Variants in MYT1L observed in about 807,000 individuals in gnomAD.
The protein encoded by MYT1L is myelin transcription factor 1 like, also known as myelin transcription factor 1-like protein.
MYT1L carries 12 observed loss-of-function variants against 126.7 expected under a neutral mutation model. The ratio of observed to expected loss-of-function variants is 0.09; its 90% CI spans 0.06 to 0.15. The LOEUF is 0.15. Among genes scored for constraint, MYT1L ranks in the 10% least tolerant of loss-of-function variants. The pLI is 1.00. For missense variants in MYT1L, 979 were observed against 1,585.2 expected, an observed-to-expected ratio of 0.62 and a Z score of 6.49; for synonymous variants, 541 against 604.2, an observed-to-expected ratio of 0.90 and a Z score of 1.53.
chr2:2,169,345 A>G (rs2148510742), intron 3 of MYT1L, among the ~76,000 whole-genome samples: 1 of 152,304 alleles, frequency 6.6e-6, no homozygotes, highest in East Asian at 1.9e-4. Context: ...ATGTATTACC[A>G]TGTACAATAC....
intron 3 of MYT1L, among the ~76,000 whole-genome samples, chr2:2,156,701 T>C (rs2086785060): frequency 6.6e-6 from 1 of 152,128 alleles, no homozygotes; most frequent in Non-Finnish European, 1.5e-5. Context: ...GGTAGCACTC[T>C]CTGCTGAACC....
rs1486951276 is a variant in MYT1L at position 1,848,054 on chromosome 2, C to T, written c.2774+3587G>A. ...GCAGCTCTGCTACTGAATCTCCTGGCCCCTCAGTTTCCTCAAATTCAAAAG... is the reference window on the plus strand; with the variant it reads ...GCAGCTCTGCTACTGAATCTCCTGGTCCCTCAGTTTCCTCAAATTCAAAAG... On this transcript the variant is annotated intron_variant, in intron 19 of 24. Transcript: ENST00000647738. The surrounding 1 kb of genome is among the most constrained non-coding windows in gnomAD (Gnocchi z 4.8). Among the ~76,000 whole-genome samples, 4 of 152,176 alleles carry T rather than the reference C, an allele frequency of 2.6e-5. No homozygotes were observed. The highest frequency in any genetic ancestry group is 9.7e-5 in the African/African-American group (4 of 41,436).
At chr2:1,897,363 C>G (rs1259246710) in intron 14 of MYT1L, among the ~76,000 whole-genome samples, 1 of 152,188 alleles carries the variant, frequency 6.6e-6, no homozygotes, top group Non-Finnish European at 1.5e-5. Flanking sequence ...GCTCTGTTCC[C>G]CCTCTTCCAG....
intron 3 of MYT1L, among the ~76,000 whole-genome samples, chr2:2,072,430 T>A (rs989336635): frequency 6.6e-6 from 1 of 152,216 alleles, no homozygotes; most frequent in Non-Finnish European, 1.5e-5. Context: ...AGCAAATTAT[T>A]ACCCACTGCC....
chr2:2,195,326 T>C lies in MYT1L; in HGVS notation c.-420-22338A>G, dbSNP rs530723379. ...CCATAGGCTTCCAGTTGGGATCCCA[T>C]AGGATTACATGCTAGGAAGAAGGAT... On this transcript the variant is annotated intron_variant, in intron 2 of 24. Coordinates refer to ENST00000647738, the MANE Select transcript of MYT1L (RefSeq NM_001303052.2). 6.6e-5 allele frequency among the ~76,000 whole-genome samples: 10 copies of C among 152,244 alleles called. No homozygotes were observed. In the East Asian group the frequency reaches 1.7e-3, roughly 26 times the overall value.
Position 1,892,148 on chromosome 2 carries a change from G to C in MYT1L, c.2172C>G (p.His724Gln), listed in dbSNP as rs1198596415. The C allele has an allele frequency of 5.2e-6, 8 of 1,548,482 alleles. No individual in the cohort carries two copies. Among genetic ancestry groups the C allele is most frequent in the Non-Finnish European group, 7.0e-6 (8 of 1,146,666 alleles). The change falls in exon 15 of 25, where the codon CAC becomes CAG. Residue 724 changes from histidine (H) to glutamine (Q), a missense_variant. Transcript: ENST00000647738. ...CCGCCATGTGGGCCGCCTCCATGTC[G>C]TGCGTGTAGTCGAAGCTGCTCTTGC... ...TCSKSSFDYT[H>Q]DMEAAHMAAT...
chr2:2,256,861 C>T (rs1018879937), intron 2 of MYT1L, among the ~76,000 whole-genome samples: 1 of 152,190 alleles, frequency 6.6e-6, no homozygotes, highest in Non-Finnish European at 1.5e-5. Context: ...GTCTGCTACT[C>T]ATGTCTGTTC....
At chr2:1,834,225 T>C (rs1318301344) in intron 21 of MYT1L, among the ~76,000 whole-genome samples, 1 of 152,214 alleles carries the variant, frequency 6.6e-6, no homozygotes, top group Admixed American at 6.5e-5. Flanking sequence ...AACTCCAATC[T>C]TGACGTGCCC....
intron 23 of MYT1L, among the ~76,000 whole-genome samples, chr2:1,800,866 A>C (rs955292631): frequency 1.3e-5 from 2 of 151,542 alleles, no homozygotes; most frequent in Non-Finnish European, 2.9e-5. Flanking sequence ...GAACCTCATC[A>C]CACCGTGGCC....
chr2:2,119,424 G>A (rs1366097324), intron 3 of MYT1L, among the ~76,000 whole-genome samples: 2 of 152,034 alleles, frequency 1.3e-5, no homozygotes, highest in African/African-American at 4.8e-5. Flanking sequence ...GTAATTAAGG[G>A]AAAATAAAAT....
At chr2:2,267,252 G>A (rs1018214649) in intron 2 of MYT1L, among the ~76,000 whole-genome samples, 1 of 152,016 alleles carries the variant, frequency 6.6e-6, no homozygotes, top group African/African-American at 2.4e-5. Context: ...GGCACGTGGG[G>A]CAGACTTTGG....
intron 2 of MYT1L, among the ~76,000 whole-genome samples, chr2:2,177,771 AC>A (rs2090983314): frequency 6.6e-6 from 1 of 151,950 alleles, no homozygotes; most frequent in African/African-American, 2.4e-5. Flanking sequence ...GGGGTAAACC[AC>A]CCCCACGATC....
chr2:2,202,278 G>C (rs898495988), intron 2 of MYT1L, among the ~76,000 whole-genome samples: 2 of 152,050 alleles, frequency 1.3e-5, no homozygotes, highest in Admixed American at 6.6e-5. Context: ...GATCAGAGCA[G>C]GACTGAAGGA....
chr2:1,840,487 G>C (rs2041517257), intron 20 of MYT1L, among the ~76,000 whole-genome samples: 1 of 152,158 alleles, frequency 6.6e-6, no homozygotes, highest in African/African-American at 2.4e-5. Flanking sequence ...CAAGAGGAGA[G>C]GGAAGGCTTG....
intron 2 of MYT1L, among the ~76,000 whole-genome samples, chr2:2,265,312 C>CA (rs1001142456): frequency 6.9e-6 from 1 of 145,298 alleles, no homozygotes; most frequent in Non-Finnish European, 1.5e-5. Flanking sequence ...CTGGCCCATC[C>CA]TTTTTTTTTT....
intron 2 of MYT1L, among the ~76,000 whole-genome samples, chr2:2,220,445 T>C (rs2093825248): frequency 6.6e-6 from 1 of 152,130 alleles, no homozygotes; most frequent in East Asian, 1.9e-4. Context: ...TAAAAGATTG[T>C]GGAGGCTAAG....
At chr2:1,934,307 T>TATATATATATATATATATGTATATACAC (rs71276816) in intron 9 of MYT1L, among the ~76,000 whole-genome samples, 1 of 132,126 alleles carries the variant, frequency 7.6e-6, no homozygotes, top group African/African-American at 2.7e-5. Flanking sequence ...TATATATATA[T>TATATATATATATATATATGTATATACAC]ACAACCTCAT....
intron 18 of MYT1L, among the ~76,000 whole-genome samples, chr2:1,877,647 G>C (rs1474418018): frequency 6.6e-6 from 1 of 152,154 alleles, no homozygotes; most frequent in Non-Finnish European, 1.5e-5. Flanking sequence ...TGAGGAATGG[G>C]ACCTGGCTGC....
At chr2:1,924,979 G>A (rs1296585867) in intron 9 of MYT1L, among the ~76,000 whole-genome samples, 1 of 152,004 alleles carries the variant, frequency 6.6e-6, no homozygotes, top group East Asian at 1.9e-4. Context: ...ATATTCATGG[G>A]CTGTGATTAC....
Sources: allele counts gnomAD v4.1 joint callset (sites outside exome capture counted in the v4.1 genomes callset), GRCh38; gene constraint gnomAD v4.1.1; non-coding constraint Gnocchi (gnomAD v3.1); transcripts MANE v1.5; gene names NCBI Gene and HGNC (gene_info 2026-07-23, HGNC 2026-07-21).